Variants in SOCS2 observed in about 807,000 individuals in gnomAD.
SOCS2 encodes suppressor of cytokine signaling 2.
SOCS2 carries 10 observed loss-of-function variants against 18.6 expected under a neutral mutation model. The observed-to-expected ratio is 0.54, with a 90% CI of 0.33 to 0.91. SOCS2 has a LOEUF of 0.91. Ranked by LOEUF, SOCS2 falls within the 40% of genes least tolerant of loss-of-function variation. The pLI is 0.02. For missense variants in SOCS2, 231 were observed against 247.2 expected, an observed-to-expected ratio of 0.93 and a Z score of 0.44; for synonymous variants, 104 against 104.0, an observed-to-expected ratio of 1.00 and a Z score of 0.00.
chr12:93,607,824 C>T, the SOCS2 span, among the ~76,000 whole-genome samples: 5 of 152,116 alleles, frequency 3.3e-5, no homozygotes, highest in Non-Finnish European at 5.9e-5. Flanking sequence ...TCCTGGCCCC[C>T]TGGAATACCC....
At chr12:93,591,370 A>G in the SOCS2 span, among the ~76,000 whole-genome samples, 1 of 152,166 alleles carries the variant, frequency 6.6e-6, no homozygotes, top group African/African-American at 2.4e-5. Flanking sequence ...ATTTCTAGGA[A>G]CTAGTTAAGG....
upstream of SOCS2, chr12:93,570,321 G>C (rs1225633332): frequency 1.3e-5 from 2 of 152,546 alleles, no homozygotes; most frequent in East Asian, 3.9e-4. Flanking sequence ...ACAAGGAGCC[G>C]GAGCGCCAGG....
the SOCS2 span, among the ~76,000 whole-genome samples, chr12:93,607,153 G>A: frequency 1.1e-4 from 17 of 152,202 alleles, no homozygotes; most frequent in Non-Finnish European, 2.4e-4. Flanking sequence ...TAAAATATGT[G>A]TTCTTTTTCT....
chr12:93,596,531 A>G, the SOCS2 span, among the ~76,000 whole-genome samples: 1 of 152,204 alleles, frequency 6.6e-6, no homozygotes, highest in African/African-American at 2.4e-5. Flanking sequence ...TTGAATGTTC[A>G]AAGGAAACTG....
chr12:93,575,701 T>C lies in SOCS2; in HGVS notation c.*522T>C, dbSNP rs1954444773. The C allele has an allele frequency of 6.5e-6, 1 of 152,746 alleles. No homozygotes were observed. Among genetic ancestry groups the C allele is most frequent in the South Asian group, 2.1e-4 (1 of 4,824 alleles). The allele number at this position is 152,746 out of a possible 1,614,324, so 9.5% of individuals were successfully genotyped here. A position where few individuals can be genotyped will look rare whatever the true frequency, so the allele number is the denominator to read the frequency against. ...ATGATGTATGTGAGTATTTATCCCA[T>C]TTTATGCAATTAACCAAATCAACCA... On this transcript the variant is annotated 3_prime_UTR_variant, in exon 2 of 2. Coordinates refer to ENST00000551556, the MANE Select transcript of SOCS2 (RefSeq NM_001270471.2).
the SOCS2 span, among the ~76,000 whole-genome samples, chr12:93,612,572 T>C: frequency 6.6e-6 from 1 of 152,206 alleles, no homozygotes; most frequent in Non-Finnish European, 1.5e-5. Context: ...TAAAGCAAAC[T>C]ATGCATTCTA....
rs886345763 is a variant in SOCS2, at chr12:93,576,700, A to T, written c.*1521A>T. On this transcript the variant is annotated 3_prime_UTR_variant, in exon 2 of 2. Transcript: ENST00000551556. ...TCACCATAAAGGTGGACCCTGTGTG[A>T]ATGAGAAAATTCAGTTATAAATTGT... 6.6e-6 allele frequency: 1 copy of T among 152,228 alleles called. No individual in the cohort carries two copies. The highest frequency in any genetic ancestry group is 1.5e-5 in the Non-Finnish European group (1 of 68,044). The allele number at this position is 152,228 out of a possible 1,614,324, so 9.4% of individuals were successfully genotyped here.
the SOCS2 span, among the ~76,000 whole-genome samples, chr12:93,619,979 TC>T: frequency 6.6e-6 from 1 of 152,370 alleles, no homozygotes; most frequent in South Asian, 2.1e-4. Context: ...TTCTTCATAA[TC>T]TAATTATTTG....
chr12:93,619,311 A>G, the SOCS2 span, among the ~76,000 whole-genome samples: 2 of 152,174 alleles, frequency 1.3e-5, no homozygotes, highest in African/African-American at 2.4e-5. Context: ...AGAGAGCAAG[A>G]GAGCCTTACA....
the SOCS2 span, among the ~76,000 whole-genome samples, chr12:93,614,439 C>T: frequency 2.7e-4 from 15 of 54,714 alleles, no homozygotes; most frequent in African/African-American, 1.9e-3. Flanking sequence ...CCCTTCCTTC[C>T]TTCCTTCCTT....
chr12:93,612,659 GT>G, the SOCS2 span, among the ~76,000 whole-genome samples: 1 of 152,066 alleles, frequency 6.6e-6, no homozygotes, highest in Non-Finnish European at 1.5e-5. Flanking sequence ...GAATTGTATT[GT>G]TTTTTTCCAA....
chr12:93,605,929 T>C, the SOCS2 span, among the ~76,000 whole-genome samples: 1 of 152,242 alleles, frequency 6.6e-6, no homozygotes, highest in South Asian at 2.1e-4. Context: ...TAGTTTCATA[T>C]GCCTGAACAG....
rs751883912 is a variant in SOCS2, at chr12:93,574,823, C to A, written c.241C>A (p.Leu81Ile). 2 of 1,614,126 alleles carry A rather than the reference C, an allele frequency of 1.2e-6. No individual in the cohort carries two copies. Among genetic ancestry groups the A allele is most frequent in the East Asian group, 4.5e-5 (2 of 44,888 alleles). The part of the protein sequence containing the change: ...LIRDSSHSDY[L>I]LTISVKTSAG... ...TAGAGATAGCTCGCATTCAGACTAC[C>A]TACTAACAATATCTGTTAAAACATC... Residue 81 changes from leucine to isoleucine, a missense_variant, in exon 2 of 2, where the codon CTA (leucine) becomes ATA (isoleucine). This residue lies in a region of SOCS2 where 106 missense variants were observed against 103.8 expected (regional missense o/e 1.02). Transcript: ENST00000551556.
At chr12:93,617,281 T>A in the SOCS2 span, among the ~76,000 whole-genome samples, 5 of 152,172 alleles carry the variant, frequency 3.3e-5, no homozygotes, top group African/African-American at 1.2e-4. Flanking sequence ...TTCTCCTGAT[T>A]TCCCCCTCTT....
rs1954448806 is a variant in SOCS2, at chr12:93,575,896, T to G, written c.*717T>G. ...TCCTTTAAAGCTAAAGACAAGAATA[T>G]CATGCTATACAGGTGCAACTCAATC... On this transcript the variant is annotated 3_prime_UTR_variant, in exon 2 of 2. Transcript: ENST00000551556. 6.6e-6 allele frequency: 1 copy of G among 152,622 alleles called. No individual in the cohort carries two copies. Among genetic ancestry groups the G allele is most frequent in the Non-Finnish European group, 1.5e-5 (1 of 68,036 alleles). 9.5% of individuals were successfully genotyped at this position (152,622 alleles called of 1,614,324 possible).
chr12:93,574,637 A>G (rs1369451090), intron 1 of SOCS2, 85 bp from the exon 2 acceptor site: 1 of 903,036 alleles, frequency 1.1e-6, no homozygotes, highest in African/African-American at 1.7e-5. Flanking sequence ...TAAAAAAATT[A>G]TTGCCAATTA....
chr12:93,597,335 CT>C, the SOCS2 span, among the ~76,000 whole-genome samples: 419 of 148,834 alleles, frequency 2.8e-3, 1 homozygote, highest in East Asian at 0.011. Context: ...TTTCAAATCC[CT>C]TTTTTTTTTG....
the SOCS2 span, among the ~76,000 whole-genome samples, chr12:93,624,941 T>C: frequency 6.6e-6 from 1 of 152,234 alleles, no homozygotes; most frequent in African/African-American, 2.4e-5. Flanking sequence ...CTTCCTGTTC[T>C]TTCTCGACTA....
the SOCS2 span, among the ~76,000 whole-genome samples, chr12:93,607,410 T>G: frequency 2.6e-5 from 4 of 152,174 alleles, no homozygotes; most frequent in Admixed American, 2.6e-4. Flanking sequence ...AAACAAAACT[T>G]AAAAAGGGAA....
Sources: allele counts gnomAD v4.1 joint callset (sites outside exome capture counted in the v4.1 genomes callset), GRCh38; gene constraint gnomAD v4.1.1; regional missense constraint gnomAD v4.1.1; transcripts MANE v1.5; gene names NCBI Gene and HGNC (gene_info 2026-07-23, HGNC 2026-07-21).